Variants in TNRC6C observed in about 807,000 individuals in gnomAD.
TNRC6C encodes trinucleotide repeat containing adaptor 6C.
TNRC6C carries 20 observed loss-of-function variants against 153.7 expected under a neutral mutation model. The observed-to-expected ratio is 0.13, with a 90% CI of 0.09 to 0.19. The LOEUF (loss-of-function observed/expected upper bound fraction) is 0.19, where lower values mean the gene tolerates loss of function less well. TNRC6C is among the 10% of genes least tolerant of loss of function. The probability of loss-of-function intolerance (pLI) is 1.00; values close to 1 mark genes in which losing one functional copy is unlikely to be tolerated. For synonymous variants in TNRC6C, 811 were observed against 841.4 expected (o/e 0.96, Z 0.63); for missense variants, 1,987 against 2,172.0 (o/e 0.91, Z 1.69).
chr17:78,095,449 C>T (rs2073468330), intron 16 of TNRC6C, among the ~76,000 whole-genome samples: 1 of 152,240 alleles, frequency 6.6e-6, no homozygotes, highest in East Asian at 1.9e-4. Context: ...AAGAACCAGC[C>T]AGCCAGCCAA....
chr17:78,103,307 C>A lies in TNRC6C; in HGVS notation c.4573-107C>A. 3.0e-6 allele frequency: 4 copies of A among 1,326,232 alleles called. No homozygotes were observed. The East Asian group carries it at 7.5e-5, about 25-fold the overall frequency. The allele number at this position is 1,326,232 out of a possible 1,614,324, so 82.2% of individuals were successfully genotyped here. A position where few individuals can be genotyped will look rare whatever the true frequency, so the allele number is the denominator to read the frequency against. On this transcript the variant is annotated intron_variant, in intron 18 of 19. Coordinates refer to ENST00000301624, the Ensembl canonical transcript of TNRC6C. ...TATTATTAGGCCTTTTAAAGAAAAA[C>A]ATTCCTAGTGTTTAGTGTATCCAAT...
chr17:78,074,485 G>A (rs929979768), intron 7 of TNRC6C, among the ~76,000 whole-genome samples: 8 of 152,212 alleles, frequency 5.3e-5, no homozygotes, highest in Non-Finnish European at 1.2e-4. Context: ...CTGCCAGGGC[G>A]GGACAGAGCA....
intron 3 of TNRC6C, among the ~76,000 whole-genome samples, chr17:78,057,033 C>T (rs1225688806): frequency 2.6e-5 from 4 of 151,980 alleles, no homozygotes; most frequent in African/African-American, 9.7e-5. Flanking sequence ...GTAGGTGTAG[C>T]AATACTATAG....
intron 1 of TNRC6C, among the ~76,000 whole-genome samples, chr17:78,018,896 C>A (rs921370574): frequency 6.6e-6 from 1 of 151,832 alleles, no homozygotes; most frequent in African/African-American, 2.4e-5. Context: ...TAAGCAGTTA[C>A]AAGAGGGGGG....
chr17:78,066,786 G>T (rs956520199), intron 4 of TNRC6C: 1 of 152,182 alleles, frequency 6.6e-6, no homozygotes, highest in African/African-American at 2.4e-5. Flanking sequence ...AGCATCTCCT[G>T]CGGGCTTGTT....
At chr17:78,097,361 G>GT (rs1422223540) in intron 16 of TNRC6C, among the ~76,000 whole-genome samples, 1 of 152,306 alleles carries the variant, frequency 6.6e-6, no homozygotes, top group East Asian at 1.9e-4. Context: ...TGTGGCCATT[G>GT]TTTGAACTGT....
chr17:78,102,941 A>C (rs2073624120), intron 18 of TNRC6C: 1 of 239,192 alleles, frequency 4.2e-6, no homozygotes, highest in Non-Finnish European at 8.2e-6. Context: ...GTTGGAGACC[A>C]GCCTGGGCAA....
chr17:78,095,836 G>A (rs2073476398), intron 16 of TNRC6C, among the ~76,000 whole-genome samples: 1 of 152,178 alleles, frequency 6.6e-6, no homozygotes, highest in African/African-American at 2.4e-5. Context: ...TTGAGGCCAG[G>A]AATTTGAAAC....
chr17:78,028,756 C>A (rs545984212), intron 1 of TNRC6C, among the ~76,000 whole-genome samples: 24 of 152,286 alleles, frequency 1.6e-4, no homozygotes, highest in African/African-American at 4.6e-4. Context: ...ATGTACAGAA[C>A]TAGGCATAAA....
intron 12 of TNRC6C, 36 bp from the exon 15 acceptor site, chr17:78,086,817 C>T (rs1438048125): frequency 6.2e-7 from 1 of 1,604,218 alleles, no homozygotes; most frequent in Non-Finnish European, 8.5e-7. Context: ...GTGTCCCTTC[C>T]CACCTAGTTA....
intron 3 of TNRC6C, 32 bp downstream of exon 5, chr17:78,051,480 T>TA (rs201980311): frequency 0.15 from 165,203 of 1,121,538 alleles, 5,654 homozygotes; most frequent in Admixed American, 0.21. Context: ...TCTTTACAAG[T>TA]AAAAAAAAAA....
At chr17:78,010,791 T>A (rs2071613137) in intron 1 of TNRC6C, among the ~76,000 whole-genome samples, 2 of 152,054 alleles carry the variant, frequency 1.3e-5, no homozygotes, top group South Asian at 4.1e-4. Context: ...AACATTAATT[T>A]TTTTCCATGG....
At position 78,075,576 on chromosome 17, in the gene TNRC6C, A is replaced by G. The variant is rs1426554264; in HGVS notation, c.3060+298A>G. Reference sequence around the variant, plus strand: ...AATGGGCAAGGGTCATCAAATTTCCATTTTACTATCTCATTTTAAAAACAC... The same window carrying G: ...AATGGGCAAGGGTCATCAAATTTCCGTTTTACTATCTCATTTTAAAAACAC... On this transcript the variant is annotated intron_variant, in intron 8 of 19. Coordinates refer to ENST00000301624, the Ensembl canonical transcript of TNRC6C. The surrounding 1 kb of genome is among the most constrained non-coding windows in gnomAD (Gnocchi z 4.2). 6.6e-6 allele frequency among the ~76,000 whole-genome samples: 1 copy of G among 152,176 alleles called. No individual in the cohort carries two copies. Among genetic ancestry groups the G allele is most frequent in the Non-Finnish European group, 1.5e-5 (1 of 68,020 alleles).
chr17:78,018,034 T>G (rs891337627), intron 1 of TNRC6C, among the ~76,000 whole-genome samples: 3 of 152,242 alleles, frequency 2.0e-5, no homozygotes, highest in African/African-American at 7.2e-5. Context: ...GTGAAATCAT[T>G]TTAAAGATAA....
chr17:78,006,578 TCTTCTTC>T (rs1466472418), intron 1 of TNRC6C, among the ~76,000 whole-genome samples: 58 of 145,020 alleles, frequency 4.0e-4, no homozygotes, highest in African/African-American at 1.2e-3. Context: ...CCTTCTTCCT[TCTTCTTC>T]CTTCTTCCTT....
At chr17:78,081,376 CTG>C (rs1214991625) in intron 10 of TNRC6C, among the ~76,000 whole-genome samples, 2 of 152,084 alleles carry the variant, frequency 1.3e-5, no homozygotes, top group African/African-American at 4.8e-5. Flanking sequence ...AATTCTCGCT[CTG>C]TAATTGTTCA....
At chr17:78,051,593 T>G in intron 3 of TNRC6C, 145 bp downstream of exon 5, 2 of 935,626 alleles carry the variant, frequency 2.1e-6, no homozygotes, top group East Asian at 6.0e-5. Flanking sequence ...CCGTGCAATA[T>G]TGTATCTAAA....
exon 11 of TNRC6C, chr17:78,083,113 C>G (rs747751626): frequency 6.8e-6 from 11 of 1,614,004 alleles, no homozygotes; most frequent in Admixed American, 1.7e-5. Context: ...ATTAACCTCG[C>G]CAATTAATCC....
chr17:78,092,069 G>A (rs750226876), intron 14 of TNRC6C, among the ~76,000 whole-genome samples: 2 of 152,118 alleles, frequency 1.3e-5, no homozygotes, highest in Non-Finnish European at 2.9e-5. Context: ...TGTCCCCATC[G>A]GGAACTCTTT....
Sources: allele counts gnomAD v4.1 joint callset (sites outside exome capture counted in the v4.1 genomes callset), GRCh38; gene constraint gnomAD v4.1.1; non-coding constraint Gnocchi (gnomAD v3.1); transcripts MANE v1.5; gene names NCBI Gene and HGNC (gene_info 2026-07-23, HGNC 2026-07-21).